The following GTF3C1 variants were observed in gnomAD, a reference collection of about 807,000 sequenced individuals.
The protein encoded by GTF3C1 is general transcription factor 3C polypeptide 1.
Under a neutral mutation model 226.7 loss-of-function variants are expected in GTF3C1, and 57 were observed. The observed-to-expected ratio is 0.25, with a 90% CI of 0.20 to 0.31. The LOEUF (loss-of-function observed/expected upper bound fraction) is 0.31. Among genes scored for constraint, GTF3C1 ranks in the 10% least tolerant of loss-of-function variants. GTF3C1 has a pLI of 1.00. For missense variants in GTF3C1, 2,217 were observed against 2,776.1 expected (o/e 0.80, Z 4.53); for synonymous variants, 1,090 against 1,084.8 (o/e 1.00, Z -0.09).
At chr16:27,465,911 G>C in intron 32 of GTF3C1, 1 of 272,084 alleles carries the variant, frequency 3.7e-6, no homozygotes, top group East Asian at 7.9e-5. Flanking sequence ...ATCCCTTCCT[G>C]CTGCTCATGT....
intron 28 of GTF3C1, among the ~76,000 whole-genome samples, chr16:27,476,793 T>C (rs754873979): frequency 2.6e-5 from 4 of 152,214 alleles, no homozygotes; most frequent in Non-Finnish European, 5.9e-5. Context: ...CACTAATAAA[T>C]GTAGTTAGTA....
intron 6 of GTF3C1, among the ~76,000 whole-genome samples, chr16:27,517,160 C>T (rs374745151): frequency 4.6e-5 from 7 of 152,154 alleles, no homozygotes; most frequent in Admixed American, 6.6e-5. Flanking sequence ...GGCAGGTAAA[C>T]GACGGAACAG....
intron 2 of GTF3C1, 32 bp from the exon 3 acceptor site, chr16:27,538,388 A>G (rs2089033071): frequency 1.5e-6 from 2 of 1,366,136 alleles, no homozygotes; most frequent in Admixed American, 2.5e-5. Flanking sequence ...ATGAAGAAAT[A>G]AGTTTAACTG....
chr16:27,465,120 C>A, intron 33 of GTF3C1, 140 bp downstream of exon 33: 1 of 775,200 alleles, frequency 1.3e-6, no homozygotes, highest in Non-Finnish European at 2.1e-6. Flanking sequence ...CCCCAGTTTT[C>A]AAGTGTTAAT....
At chr16:27,467,285 C>T (rs546229912) in intron 32 of GTF3C1, among the ~76,000 whole-genome samples, 11 of 152,328 alleles carry the variant, frequency 7.2e-5, no homozygotes, top group South Asian at 2.1e-4. Flanking sequence ...TTAAGAATTA[C>T]GCTAAATCTA....
chr16:27,512,702 A>G (rs559850450), intron 6 of GTF3C1, among the ~76,000 whole-genome samples: 2 of 152,380 alleles, frequency 1.3e-5, no homozygotes, highest in East Asian at 1.9e-4. Flanking sequence ...GCCTACGGCT[A>G]TAACGAGAGA....
In GTF3C1 at chr16:27,465,496, C is replaced by G; in HGVS notation, c.5119G>C (p.Asp1707His). Residue 1707 changes from aspartate to histidine, a missense_variant, in exon 33 of 37, where the codon GAT becomes CAT. Asp to His is a moderately conservative substitution (Grantham distance 81). Around this residue, in one of 12 missense-constraint regions of GTF3C1, gnomAD observed 455 missense variants for 441.9 expected, o/e 1.03. Coordinates refer to ENST00000356183, the MANE Select transcript of GTF3C1 (RefSeq NM_001520.4). ...ELTMGTSCLPDTFTKLINPQE... is the reference protein window; with the variant it reads ...ELTMGTSCLPHTFTKLINPQE... ...GGGTTTATCAGCTTGGTGAACGTAT[C>G]AGGGAGGCAGGAGGTTCCCATTGTT... The G allele has an allele frequency of 6.2e-7, 1 of 1,603,942 alleles. No homozygotes were observed. Among genetic ancestry groups the G allele is most frequent in the South Asian group, 1.1e-5 (1 of 91,070 alleles).
Position 27,495,392 on chromosome 16 carries a change from G to T in GTF3C1, c.2451C>A (p.Ser817Arg). The change falls in exon 15 of 37, where the codon AGC (serine) becomes AGA (arginine). Residue 817 changes from serine to arginine, a missense_variant. Ser to Arg is a moderately radical substitution (Grantham distance 110, BLOSUM62 -1). This residue lies in a region of GTF3C1 where 353 missense variants were observed against 411.7 expected (regional missense o/e 0.86). Transcript: ENST00000356183. ...TGAAGCTTGGCTTCTCCACGGTGTT[G>T]CTGGCAGGGTGCCCGTAGATGAGGT... Reference protein sequence around the residue: ...LWYLIYGHPASNTVEKPSFIS... With the variant: ...LWYLIYGHPARNTVEKPSFIS... The T allele has an allele frequency of 6.2e-7, 1 of 1,614,102 alleles. No homozygotes were observed. Among genetic ancestry groups the T allele is most frequent in the Non-Finnish European group, 8.5e-7 (1 of 1,179,928 alleles).
At chr16:27,484,600 T>A (rs2088106545) in intron 24 of GTF3C1, among the ~76,000 whole-genome samples, 1 of 152,036 alleles carries the variant, frequency 6.6e-6, no homozygotes, top group South Asian at 2.1e-4. Context: ...GCAAGCGCCA[T>A]GTGTGACAAA....
intron 21 of GTF3C1, 112 bp downstream of exon 21, chr16:27,488,931 C>T: frequency 1.0e-6 from 1 of 994,240 alleles, no homozygotes; most frequent in Non-Finnish European, 1.6e-6. Flanking sequence ...GGGCCTGACG[C>T]ACCTTCAATA....
Position 27,470,668 on chromosome 16 carries a change from C to T in GTF3C1, c.4527-273G>A, listed in dbSNP as rs562423912. ...GGCCTCACCTGGCGCTCCAGGAGGG[C>T]GCTGGCAGGCTCACCTTACAGGGGC... On this transcript the variant is annotated intron_variant, in intron 30 of 36. Coordinates refer to ENST00000356183, the MANE Select transcript of GTF3C1 (RefSeq NM_001520.4). The surrounding 1 kb of genome is among the most constrained non-coding windows in gnomAD (Gnocchi z 4.9). 6.9e-5 allele frequency: 31 copies of T among 447,532 alleles called. No homozygotes were observed. Among genetic ancestry groups the T allele is most frequent in the South Asian group, 6.2e-4 (26 of 41,810 alleles). 27.7% of individuals were successfully genotyped at this position (447,532 alleles called of 1,614,324 possible). A position where few individuals can be genotyped will look rare whatever the true frequency, so the allele number is the denominator to read the frequency against.
Position 27,507,198 on chromosome 16 carries a change from G to C in GTF3C1, c.1243-42C>G. On this transcript the variant is annotated intron_variant, in intron 8 of 36. Transcript: ENST00000356183. The surrounding 1 kb of genome is among the most constrained non-coding windows in gnomAD (Gnocchi z 4.9). Reference sequence around the variant, plus strand: ...GTGTTTATCCCACTGCAAAGAGGGCGTCATACCCACAGGGGTTCAGGTGGT... The same window carrying C: ...GTGTTTATCCCACTGCAAAGAGGGCCTCATACCCACAGGGGTTCAGGTGGT... 7.0e-7 allele frequency: 1 copy of C among 1,422,278 alleles called. No individual in the cohort carries two copies. Among genetic ancestry groups the C allele is most frequent in the Non-Finnish European group, 9.7e-7 (1 of 1,032,538 alleles). The allele number at this position is 1,422,278 out of a possible 1,614,324, so 88.1% of individuals were successfully genotyped here. A position where few individuals can be genotyped will look rare whatever the true frequency, so the allele number is the denominator to read the frequency against.
chr16:27,532,143 A>G (rs1333178694), intron 5 of GTF3C1, among the ~76,000 whole-genome samples: 2 of 152,164 alleles, frequency 1.3e-5, no homozygotes, highest in Non-Finnish European at 2.9e-5. Context: ...ATTTTTATGG[A>G]AAGTCTCAAT....
intron 29 of GTF3C1, 82 bp downstream of exon 29, chr16:27,476,369 G>C: frequency 2.4e-6 from 2 of 830,816 alleles, no homozygotes; most frequent in Non-Finnish European, 4.1e-6. Flanking sequence ...CCACAGCGGA[G>C]AAGGGCAGGG....
intron 4 of GTF3C1, among the ~76,000 whole-genome samples, chr16:27,535,574 T>TAAAAA (rs200346693): frequency 5.7e-5 from 4 of 70,588 alleles, no homozygotes; most frequent in Non-Finnish European, 3.1e-5. Flanking sequence ...GACTGTCAAA[T>TAAAAA]AAAAAAAAAA....
chr16:27,520,392 G>A (rs963542060), intron 6 of GTF3C1, among the ~76,000 whole-genome samples: 1 of 152,138 alleles, frequency 6.6e-6, no homozygotes, highest in African/African-American at 2.4e-5. Flanking sequence ...TGGGATTACA[G>A]GCATGAGCCA....
rs1185446134 is a variant in GTF3C1, at chr16:27,502,928, C to T, written c.1838G>A (p.Arg613Gln). The change falls in exon 11 of 37, where the codon CGA becomes CAA. Residue 613 changes from arginine (R) to glutamine (Q), a missense_variant. Physicochemically the swap from Arg to Gln is conservative, Grantham distance 43. Around this residue, in one of 12 missense-constraint regions of GTF3C1, gnomAD observed 52 missense variants for 110.8 expected, o/e 0.47. Transcript: ENST00000356183. ...GATCAGATTCCTGCGTTTCAGCAGTCGGTAAGTTTCGTGTGGTTTGTCTTG... is the reference window on the plus strand; with the variant it reads ...GATCAGATTCCTGCGTTTCAGCAGTTGGTAAGTTTCGTGTGGTTTGTCTTG... ...SGQDKPHETY[R>Q]LLKRRNLIIE... The T allele has an allele frequency of 1.2e-6, 2 of 1,613,464 alleles. No individual in the cohort carries two copies. Among genetic ancestry groups the T allele is most frequent in the Non-Finnish European group, 1.7e-6 (2 of 1,179,606 alleles).
chr16:27,497,569 G>T, intron 14 of GTF3C1, 68 bp downstream of exon 14: 1 of 1,297,874 alleles, frequency 7.7e-7, no homozygotes, highest in Non-Finnish European at 1.1e-6. Flanking sequence ...AGGACCAAGT[G>T]CCTCAAACAT....
chr16:27,517,025 G>T (rs1482285383), intron 6 of GTF3C1, among the ~76,000 whole-genome samples: 4 of 152,216 alleles, frequency 2.6e-5, no homozygotes, highest in Non-Finnish European at 4.4e-5. Context: ...AGCTGGCTGT[G>T]AGCCCTGCTG....
Sources: allele counts gnomAD v4.1 joint callset (sites outside exome capture counted in the v4.1 genomes callset), GRCh38; gene constraint gnomAD v4.1.1; regional missense constraint gnomAD v4.1.1; non-coding constraint Gnocchi (gnomAD v3.1); transcripts MANE v1.5; gene names NCBI Gene and HGNC (gene_info 2026-07-23, HGNC 2026-07-21).